Variants in PREX1 observed in about 807,000 individuals in gnomAD.
PREX1 encodes phosphatidylinositol 3,4,5-trisphosphate-dependent Rac exchanger 1 protein.
Under a neutral mutation model 198.3 loss-of-function variants are expected in PREX1, and 41 were observed. The ratio of observed to expected loss-of-function variants is 0.21; its 90% CI spans 0.16 to 0.27. PREX1 has a LOEUF of 0.27. Among genes scored for constraint, PREX1 ranks in the 10% least tolerant of loss-of-function variants. The pLI is 1.00. For synonymous variants in PREX1, 843 were observed against 887.2 expected, an observed-to-expected ratio of 0.95 and a Z score of 0.89; for missense variants, 1,620 against 2,200.7, an observed-to-expected ratio of 0.74 and a Z score of 5.28.
At chr20:48,842,426 T>C in the PREX1 span, among the ~76,000 whole-genome samples, 1 of 152,158 alleles carries the variant, frequency 6.6e-6, no homozygotes, top group Non-Finnish European at 1.5e-5. Flanking sequence ...TCTTGCAGTG[T>C]ATTCCTGCAG....
intron 1 of PREX1, among the ~76,000 whole-genome samples, chr20:48,809,487 G>A (rs1369517817): frequency 6.6e-6 from 1 of 152,210 alleles, no homozygotes. Context: ...CAGGGAAACA[G>A]AGAGAAATTC....
At position 48,670,517 on chromosome 20, in the gene PREX1, G is replaced by C. The variant is rs543697081; in HGVS notation, c.1666-4162C>G. On this transcript the variant is annotated intron_variant, in intron 14 of 39. Transcript: ENST00000371941. ...CCCTGCATGTGACGGTCGCAGCCTGGGGCATCCTGGAGCCCAAGTGACACA... is the reference window on the plus strand; with the variant it reads ...CCCTGCATGTGACGGTCGCAGCCTGCGGCATCCTGGAGCCCAAGTGACACA... Among the ~76,000 whole-genome samples the C allele has an allele frequency of 2.0e-5, 3 of 152,140 alleles. No homozygotes were observed. The South Asian group carries it at 6.2e-4, about 31-fold the overall frequency.
chr20:48,789,255 G>A (rs746656651), intron 1 of PREX1, among the ~76,000 whole-genome samples: 4 of 152,162 alleles, frequency 2.6e-5, no homozygotes, highest in Admixed American at 6.5e-5. Context: ...TTCACAGTGC[G>A]ATCTACCATC....
At chr20:48,627,483 C>T in intron 39 of PREX1, 65 bp downstream of exon 39, 4 of 1,569,702 alleles carry the variant, frequency 2.5e-6, no homozygotes, top group Non-Finnish European at 3.5e-6. Context: ...GAGCATGATG[C>T]CAAAGCCAGG....
At chr20:48,630,253 G>T (rs888110398) in intron 36 of PREX1, among the ~76,000 whole-genome samples, 1 of 152,202 alleles carries the variant, frequency 6.6e-6, no homozygotes, top group African/African-American at 2.4e-5. Flanking sequence ...AACTATCGAG[G>T]CCCCTCAGAG....
intron 4 of PREX1, among the ~76,000 whole-genome samples, chr20:48,733,192 T>A (rs1345460320): frequency 6.6e-6 from 1 of 152,112 alleles, no homozygotes; most frequent in African/African-American, 2.4e-5. Flanking sequence ...AAGACCATCA[T>A]GGATGTCTAC....
At chr20:48,803,570 AC>A (rs1206255623) in intron 1 of PREX1, among the ~76,000 whole-genome samples, 5 of 152,196 alleles carry the variant, frequency 3.3e-5, no homozygotes, top group Admixed American at 6.5e-5. Context: ...CCACTTCCCA[AC>A]CACCTGCAAC....
the PREX1 span, among the ~76,000 whole-genome samples, chr20:48,864,951 C>G: frequency 6.6e-6 from 1 of 152,134 alleles, no homozygotes; most frequent in Non-Finnish European, 1.5e-5. Context: ...AGCAGGCTGA[C>G]CTGACCAGGA....
chr20:48,633,987 T>TGGA (rs1568791595), intron 33 of PREX1, among the ~76,000 whole-genome samples: 7 of 150,472 alleles, frequency 4.7e-5, no homozygotes, highest in South Asian at 2.1e-4. Context: ...TGGATGATGG[T>TGGA]TGGATGGATG....
intron 10 of PREX1, among the ~76,000 whole-genome samples, chr20:48,683,090 G>C (rs1601073596): frequency 6.6e-6 from 1 of 152,222 alleles, no homozygotes; most frequent in African/African-American, 2.4e-5. Context: ...TCTGGGTCCT[G>C]TCCACCCCCA....
chr20:48,873,708 G>A, the PREX1 span, among the ~76,000 whole-genome samples: 1 of 151,734 alleles, frequency 6.6e-6, no homozygotes, highest in African/African-American at 2.4e-5. Flanking sequence ...TGACAATAGC[G>A]AGACTCTGTC....
At chr20:48,739,251 C>T (rs1331835433) in intron 3 of PREX1, among the ~76,000 whole-genome samples, 4 of 152,232 alleles carry the variant, frequency 2.6e-5, no homozygotes, top group Admixed American at 2.6e-4. Context: ...CCACCCTCCC[C>T]AAGATCATCC....
At chr20:48,849,058 T>C in the PREX1 span, among the ~76,000 whole-genome samples, 1 of 150,810 alleles carries the variant, frequency 6.6e-6, no homozygotes, top group Non-Finnish European at 1.5e-5. Context: ...ACTGTGCCAC[T>C]GCACTCCAGC....
chr20:48,658,517 G>A (rs1009525838), intron 16 of PREX1, among the ~76,000 whole-genome samples: 3 of 152,230 alleles, frequency 2.0e-5, no homozygotes, highest in African/African-American at 7.2e-5. Context: ...AGGATGGCAG[G>A]CATGCTAGAA....
At position 48,658,116 on chromosome 20, in the gene PREX1, A is replaced by G. The variant is rs939328928; in HGVS notation, c.1974+20T>C. 1.2e-6 allele frequency: 2 copies of G among 1,608,308 alleles called. No homozygotes were observed. Among genetic ancestry groups the G allele is most frequent in the Non-Finnish European group, 1.7e-6 (2 of 1,176,810 alleles). Reference sequence around the variant, plus strand: ...CTGCCACCTGCACACGGTCCCTGCCAGCTCCCCCGAGGGCCTCACCTCAGC... The same window carrying G: ...CTGCCACCTGCACACGGTCCCTGCCGGCTCCCCCGAGGGCCTCACCTCAGC... On this transcript the variant is annotated intron_variant, in intron 17 of 39. Coordinates refer to ENST00000371941, the MANE Select transcript of PREX1 (RefSeq NM_020820.4).
chr20:48,776,196 G>C (rs2090260502), intron 1 of PREX1, among the ~76,000 whole-genome samples: 1 of 152,248 alleles, frequency 6.6e-6, no homozygotes, highest in Non-Finnish European at 1.5e-5. Context: ...GTCCTGCCCA[G>C]CCTCCTGCAG....
At chr20:48,878,627 C>T in the PREX1 span, among the ~76,000 whole-genome samples, 6 of 152,268 alleles carry the variant, frequency 3.9e-5, no homozygotes, top group South Asian at 6.2e-4. Context: ...CATGAGCCAC[C>T]GCGCCCGGCC....
the PREX1 span, among the ~76,000 whole-genome samples, chr20:48,856,084 C>A: frequency 6.6e-6 from 1 of 152,154 alleles, no homozygotes; most frequent in Non-Finnish European, 1.5e-5. Context: ...AGTGTGTGTA[C>A]CTGGGGAAAG....
At chr20:48,757,112 C>G (rs1241887421) in intron 1 of PREX1, among the ~76,000 whole-genome samples, 2 of 152,132 alleles carry the variant, frequency 1.3e-5, no homozygotes, top group Non-Finnish European at 2.9e-5. Context: ...GGGGACACAG[C>G]CAAACCATAT....
Sources: gnomAD v4.1 joint callset for allele counts (sites outside exome capture counted in the v4.1 genomes callset) on GRCh38, gnomAD v4.1.1 for gene constraint, MANE v1.5 for transcripts, NCBI Gene and HGNC (gene_info 2026-07-23, HGNC 2026-07-21) for gene names.